The following ZNF804B variants were observed in gnomAD, a reference collection of about 807,000 sequenced individuals.
ZNF804B encodes zinc finger protein 804B.
Under a neutral mutation model 101.4 loss-of-function variants are expected in ZNF804B, and 80 were observed. The ratio of observed to expected loss-of-function variants is 0.79; its 90% CI spans 0.66 to 0.95. The LOEUF (loss-of-function observed/expected upper bound fraction) is 0.95, where lower values mean the gene tolerates loss of function less well. Among genes scored for constraint, ZNF804B ranks in the 40% least tolerant of loss-of-function variants. The pLI is 0.00. For missense variants in ZNF804B, 1,673 were observed against 1,561.9 expected (o/e 1.07, Z -1.20); for synonymous variants, 622 against 558.8 (o/e 1.11, Z -1.59).
At chr7:88,937,590 C>T (rs892535799) in intron 1 of ZNF804B, among the ~76,000 whole-genome samples, 1 of 151,840 alleles carries the variant, frequency 6.6e-6, no homozygotes, top group Admixed American at 6.6e-5. Context: ...AAAATAGAGT[C>T]GGGGTAACTG....
intron 1 of ZNF804B, among the ~76,000 whole-genome samples, chr7:89,082,317 T>A (rs1419331640): frequency 1.3e-5 from 2 of 151,724 alleles, no homozygotes; most frequent in African/African-American, 4.8e-5. Context: ...TAGGCTTTTT[T>A]GAAATTACAA....
intron 1 of ZNF804B, among the ~76,000 whole-genome samples, chr7:88,823,245 A>G (rs1416585148): frequency 1.3e-5 from 2 of 152,062 alleles, no homozygotes; most frequent in Admixed American, 6.6e-5. Flanking sequence ...ATACATATAT[A>G]AATATACAAA....
intron 2 of ZNF804B, among the ~76,000 whole-genome samples, chr7:89,280,600 A>G (rs1790076828): frequency 6.6e-6 from 1 of 152,236 alleles, no homozygotes; most frequent in Admixed American, 6.5e-5. Flanking sequence ...AGAAATACAA[A>G]CTACCATCAG....
At chr7:88,928,046 C>T (rs1792832947) in intron 1 of ZNF804B, among the ~76,000 whole-genome samples, 5 of 152,096 alleles carry the variant, frequency 3.3e-5, no homozygotes. Context: ...TCTTGGTCTA[C>T]TCTGGCTGCT....
chr7:88,998,009 G>T (rs568816361), intron 1 of ZNF804B, among the ~76,000 whole-genome samples: 6 of 152,046 alleles, frequency 3.9e-5, no homozygotes, highest in Non-Finnish European at 8.8e-5. Context: ...CGCCTGGAAA[G>T]GGCTGTCTGC....
chr7:89,205,283 CTCCCA>C (rs991993095), intron 1 of ZNF804B, among the ~76,000 whole-genome samples: 3 of 152,138 alleles, frequency 2.0e-5, no homozygotes, highest in African/African-American at 7.2e-5. Flanking sequence ...CCCCTGGTTC[CTCCCA>C]AATCTCATGT....
chr7:89,029,489 G>T (rs995358578), intron 1 of ZNF804B, among the ~76,000 whole-genome samples: 24 of 152,162 alleles, frequency 1.6e-4, no homozygotes, highest in African/African-American at 5.5e-4. Context: ...TTTGGAATCA[G>T]ACTAAGTTTC....
rs892499300 is a variant in ZNF804B, at chr7:89,103,072, T to G, written c.109-115083T>G. ...TGTTTTTTTTTTTTTTTTTTTTTTT[T>G]TTTTTTTTTTTACCAATACTGTGGT... is the stretch of plus-strand genomic sequence containing the variant. On this transcript the variant is annotated intron_variant, in intron 1 of 3. Coordinates refer to ENST00000333190, the MANE Select transcript of ZNF804B (RefSeq NM_181646.5). Among the ~76,000 whole-genome samples, 290 of 138,334 alleles carry G rather than the reference T, an allele frequency of 2.1e-3. 2 individuals carry two copies. The highest frequency in any genetic ancestry group is 7.2e-3 in the African/African-American group (257 of 35,568). The allele number at this position is 138,334 out of a possible 152,430, so 90.8% of individuals were successfully genotyped here.
At chr7:89,128,930 C>T (rs1477334003) in intron 1 of ZNF804B, among the ~76,000 whole-genome samples, 5 of 151,924 alleles carry the variant, frequency 3.3e-5, no homozygotes, top group Admixed American at 6.6e-5. Flanking sequence ...AAAGCATTCA[C>T]GTTCATGTTT....
chr7:88,764,080 C>A (rs1789943497), intron 1 of ZNF804B, among the ~76,000 whole-genome samples: 1 of 152,058 alleles, frequency 6.6e-6, no homozygotes, highest in African/African-American at 2.4e-5. Flanking sequence ...AAACAAATAG[C>A]TTCTATGTAA....
At chr7:89,136,929 G>C (rs1790646257) in intron 1 of ZNF804B, among the ~76,000 whole-genome samples, 1 of 152,018 alleles carries the variant, frequency 6.6e-6, no homozygotes, top group African/African-American at 2.4e-5. Flanking sequence ...TGATGGCTTT[G>C]TGAGGCAGAG....
intron 1 of ZNF804B, among the ~76,000 whole-genome samples, chr7:88,818,604 C>A (rs1022472768): frequency 3.3e-5 from 5 of 152,092 alleles, no homozygotes; most frequent in South Asian, 2.1e-4. Context: ...CATGCATTGG[C>A]AAATTCCAAC....
chr7:89,214,028 T>G (rs1225281340), intron 1 of ZNF804B, among the ~76,000 whole-genome samples: 1 of 152,168 alleles, frequency 6.6e-6, no homozygotes, highest in African/African-American at 2.4e-5. Context: ...CATACGTGTT[T>G]TACGCATTAA....
chr7:89,175,333 TC>T (rs1791301701), intron 1 of ZNF804B, among the ~76,000 whole-genome samples: 2 of 152,126 alleles, frequency 1.3e-5, no homozygotes, highest in Non-Finnish European at 2.9e-5. Context: ...TTGAAGACTG[TC>T]CTTTCCCTAA....
At chr7:89,094,511 CA>C (rs1325350300) in intron 1 of ZNF804B, among the ~76,000 whole-genome samples, 3 of 151,984 alleles carry the variant, frequency 2.0e-5, no homozygotes, top group African/African-American at 7.3e-5. Flanking sequence ...GTCCATAAAA[CA>C]AATATTGGAG....
At chr7:88,985,627 T>C (rs770741895) in intron 1 of ZNF804B, among the ~76,000 whole-genome samples, 3 of 152,100 alleles carry the variant, frequency 2.0e-5, no homozygotes, top group Non-Finnish European at 2.9e-5. Context: ...AAACTGCCAT[T>C]ATAGAAAGAG....
chr7:89,293,268 C>G (rs1185549210), intron 2 of ZNF804B, among the ~76,000 whole-genome samples: 1 of 151,760 alleles, frequency 6.6e-6, no homozygotes, highest in Non-Finnish European at 1.5e-5. Flanking sequence ...GTCAAATGTT[C>G]TCACCACAAA....
intron 1 of ZNF804B, among the ~76,000 whole-genome samples, chr7:89,189,514 G>A (rs912055187): frequency 6.6e-6 from 1 of 152,162 alleles, no homozygotes; most frequent in Non-Finnish European, 1.5e-5. Flanking sequence ...AAAAGACAAT[G>A]AGCGGGCTGA....
chr7:89,120,397 C>T (rs1025953549), intron 1 of ZNF804B, among the ~76,000 whole-genome samples: 2 of 152,080 alleles, frequency 1.3e-5, no homozygotes, highest in African/African-American at 2.4e-5. Flanking sequence ...GTGGCTCACG[C>T]GTGTAATCCC....
Sources: allele counts gnomAD v4.1 joint callset (sites outside exome capture counted in the v4.1 genomes callset), GRCh38; gene constraint gnomAD v4.1.1; transcripts MANE v1.5; gene names NCBI Gene and HGNC (gene_info 2026-07-23, HGNC 2026-07-21).